ANGPTL3: variants seen among roughly 807,000 people sequenced by gnomAD.
ANGPTL3 encodes angiopoietin-related protein 3.
ANGPTL3 carries 51 observed loss-of-function variants against 52.7 expected under a neutral mutation model. That is an observed-to-expected ratio of 0.97 (90% CI 0.77 to 1.22). The LOEUF is 1.22. ANGPTL3 is among the 50% of genes most tolerant of loss of function. ANGPTL3 has a pLI of 0.00. For synonymous variants in ANGPTL3, 185 were observed against 179.8 expected (o/e 1.03, Z -0.23); for missense variants, 506 against 520.7 (o/e 0.97, Z 0.27).
chr1:62,604,797 G>C lies in ANGPTL3; in HGVS notation c.1363G>C (p.Asp455His), dbSNP rs1412317203. The C allele has an allele frequency of 1.2e-6, 2 of 1,612,834 alleles. No homozygotes were observed. Among genetic ancestry groups the C allele is most frequent in the Non-Finnish European group, 1.7e-6 (2 of 1,179,254 alleles). ...AACCAAAATGTTGATCCATCCAACAGATTCAGAAAGCTTTGAATGAACTGA... is the reference window on the plus strand; with the variant it reads ...AACCAAAATGTTGATCCATCCAACACATTCAGAAAGCTTTGAATGAACTGA... ...KSTKMLIHPT[D>H]SESFE The change falls in exon 7 of 7, where the codon GAT (aspartate) becomes CAT (histidine). Residue 455 changes from aspartate to histidine, a missense_variant. Coordinates refer to ENST00000371129, the MANE Select transcript of ANGPTL3 (RefSeq NM_014495.4).
In ANGPTL3 at chr1:62,602,343, G is replaced by A. The variant is rs781130657; in HGVS notation, c.894G>A (p.Thr298=). 1.6e-5 allele frequency: 25 copies of A among 1,610,734 alleles called. No individual in the cohort carries two copies. Among genetic ancestry groups the A allele is most frequent in the African/African-American group, 9.4e-5 (7 of 74,780 alleles). The change falls in exon 5 of 7, where the codon ACG becomes ACA. Residue 298 remains threonine, a synonymous_variant. Transcript: ENST00000371129. The part of the protein sequence containing the change: ...RIDGSQNFNE[T]WENYKYGFGR... ...ATGGATCACAAAACTTCAATGAAACGTGGGAGAACTACAAATATGGTTTTG... is the reference window on the plus strand; with the variant it reads ...ATGGATCACAAAACTTCAATGAAACATGGGAGAACTACAAATATGGTTTTG...
At position 62,597,575 on chromosome 1, in the gene ANGPTL3, A is replaced by T. The variant is rs1394023534; in HGVS notation, c.9A>T (p.Thr3=). The change falls in exon 1 of 7, where the codon ACA becomes ACT. Residue 3 remains threonine, a synonymous_variant. Coordinates refer to ENST00000371129, the MANE Select transcript of ANGPTL3 (RefSeq NM_014495.4). MF[T]IKLLLFIVPL... is the part of the protein sequence containing the mutation. ...TGAAAATCAAGATAAAAATGTTCAC[A>T]ATTAAGCTCCTTCTTTTTATTGTTC... 7 of 1,612,578 alleles carry T rather than the reference A, an allele frequency of 4.3e-6. No individual in the cohort carries two copies. The highest frequency in any genetic ancestry group is 5.9e-6 in the Non-Finnish European group (7 of 1,179,290).
chr1:62,601,676 C>T, intron 3 of ANGPTL3, 93 bp from the exon 4 acceptor site: 1 of 903,922 alleles, frequency 1.1e-6, no homozygotes, highest in Non-Finnish European at 1.8e-6. Context: ...GCTACATTTG[C>T]CACAACTTCA....
At chr1:62,602,676 T>C (rs1324791757) in intron 5 of ANGPTL3, among the ~76,000 whole-genome samples, 1 of 151,748 alleles carries the variant, frequency 6.6e-6, no homozygotes, top group African/African-American at 2.4e-5. Flanking sequence ...TTTGATTAAA[T>C]GTTATGTCAT....
At chr1:62,599,809 A>G (rs1649837779) in intron 2 of ANGPTL3, among the ~76,000 whole-genome samples, 3 of 152,028 alleles carry the variant, frequency 2.0e-5, no homozygotes, top group Admixed American at 2.0e-4. Flanking sequence ...TACAATGTAA[A>G]CATCTGGTGA....
chr1:62,604,837 G>C lies in ANGPTL3; in HGVS notation c.*20G>C. The C allele has an allele frequency of 6.2e-7, 1 of 1,606,208 alleles. No individual in the cohort carries two copies. ...GAATGAACTGAGGCAAATTTAAAAGGCAATAATTTAAACATTAACCTCATT... is the reference window on the plus strand; with the variant it reads ...GAATGAACTGAGGCAAATTTAAAAGCCAATAATTTAAACATTAACCTCATT... On this transcript the variant is annotated 3_prime_UTR_variant, in exon 7 of 7. Coordinates refer to ENST00000371129, the MANE Select transcript of ANGPTL3 (RefSeq NM_014495.4).
Position 62,598,718 on chromosome 1 carries a change from A to G in ANGPTL3, c.518A>G (p.Asn173Ser), listed in dbSNP as rs149624466. Residue 173 changes from asparagine to serine, a missense_variant, in exon 2 of 7, where the codon AAT becomes AGT. Physicochemically the swap from Asn to Ser is conservative, Grantham distance 46. Transcript: ENST00000371129. ...CAGACTTTTGTAGAAAAACAAGATA[A>G]TAGCATCAAAGACCTTCTCCAGACC... ...SLKTFVEKQD[N>S]SIKDLLQTVE... The G allele has an allele frequency of 6.2e-7, 1 of 1,609,862 alleles. No individual in the cohort carries two copies. Among genetic ancestry groups the G allele is most frequent in the African/African-American group, 1.3e-5 (1 of 74,782 alleles).
chr1:62,599,270 A>G (rs1649754528), intron 2 of ANGPTL3, among the ~76,000 whole-genome samples: 1 of 151,966 alleles, frequency 6.6e-6, no homozygotes, highest in Non-Finnish European at 1.5e-5. Context: ...TGACCGCTTT[A>G]CCAGTATTCA....
intron 2 of ANGPTL3, 56 bp from the exon 3 acceptor site, chr1:62,601,026 C>T: frequency 9.9e-7 from 1 of 1,008,198 alleles, no homozygotes; most frequent in Admixed American, 1.7e-5. Flanking sequence ...ACTCAGATTT[C>T]CCCTAATTGT....
Position 62,604,668 on chromosome 1 carries a change from A to C in ANGPTL3, c.1234A>C (p.Asn412His), listed in dbSNP as rs1354100717. ...GTGGCATGATGAGTGTGGAGAAAACAACCTAAATGGTAAATATAACAAACC... is the reference window on the plus strand; with the variant it reads ...GTGGCATGATGAGTGTGGAGAAAACCACCTAAATGGTAAATATAACAAACC... ...WWWHDECGEN[N>H]LNGKYNKPRA... Residue 412 changes from asparagine (N) to histidine (H), a missense_variant, in exon 7 of 7, where the codon AAC becomes CAC. Transcript: ENST00000371129. The C allele has an allele frequency of 3.7e-6, 6 of 1,613,182 alleles. No individual in the cohort carries two copies. The highest frequency in any genetic ancestry group is 5.1e-6 in the Non-Finnish European group (6 of 1,179,412).
rs144009864 is a variant in ANGPTL3 at position 62,603,038 on chromosome 1, T to C, written c.931+658T>C. 2.1e-3 allele frequency among the ~76,000 whole-genome samples: 318 copies of C among 151,912 alleles called. 1 individual carries two copies. The highest frequency in any genetic ancestry group is 3.2e-3 in the Non-Finnish European group (219 of 67,682). The stretch of plus-strand genomic sequence containing the variant: ...GACATTCATTATTATATCAAATTTT[T>C]AAATGCTCAGTACTATTTGACCATT... On this transcript the variant is annotated intron_variant, in intron 5 of 6. Coordinates refer to ENST00000371129, the MANE Select transcript of ANGPTL3 (RefSeq NM_014495.4).
rs1469360581 is a variant in ANGPTL3, at chr1:62,604,697, A to G, written c.1263A>G (p.Arg421=). The G allele has an allele frequency of 6.2e-7, 1 of 1,613,240 alleles. No homozygotes were observed. Among genetic ancestry groups the G allele is most frequent in the Non-Finnish European group, 8.5e-7 (1 of 1,179,490 alleles). The change falls in exon 7 of 7, where the codon AGA becomes AGG. Residue 421 remains arginine, a synonymous_variant. Transcript: ENST00000371129. ...NNLNGKYNKP[R]AKSKPERRRG... ...TAAATGGTAAATATAACAAACCAAG[A>G]GCAAAATCTAAGCCAGAGAGGAGAA...
At position 62,597,782 on chromosome 1, in the gene ANGPTL3, T is replaced by C. The variant is rs775299081; in HGVS notation, c.216T>C (p.Phe72=). The change falls in exon 1 of 7, where the codon TTT becomes TTC. Residue 72 remains phenylalanine (F), a synonymous_variant. Coordinates refer to ENST00000371129, the MANE Select transcript of ANGPTL3 (RefSeq NM_014495.4). ...CGAAGGGCCAAATTAATGACATATT[T>C]CAAAAACTCAACATATTTGATCAGT... ...HKTKGQINDI[F]QKLNIFDQSF... is the part of the protein sequence containing the mutation. 3.1e-6 allele frequency: 5 copies of C among 1,613,492 alleles called. No individual in the cohort carries two copies. In the Admixed American group the frequency reaches 8.3e-5, roughly 27 times the overall value.
Position 62,605,446 on chromosome 1 carries a change from T to C in ANGPTL3, c.*629T>C, listed in dbSNP as rs1209105978. 6.5e-6 allele frequency: 1 copy of C among 153,042 alleles called. No individual in the cohort carries two copies. The highest frequency in any genetic ancestry group is 1.5e-5 in the Non-Finnish European group (1 of 68,364). The allele number at this position is 153,042 out of a possible 1,614,324, so 9.5% of individuals were successfully genotyped here. On this transcript the variant is annotated 3_prime_UTR_variant, in exon 7 of 7. Coordinates refer to ENST00000371129, the MANE Select transcript of ANGPTL3 (RefSeq NM_014495.4). Reference sequence around the variant, plus strand: ...TGTATTAAAATAAGTTCGCTGTCTTTAAACAAATGGAGATGACTACTAAGT... The same window carrying C: ...TGTATTAAAATAAGTTCGCTGTCTTCAAACAAATGGAGATGACTACTAAGT...
chr1:62,598,626 T>C (rs1481000115), intron 1 of ANGPTL3, 70 bp from the exon 2 acceptor site: 17 of 818,000 alleles, frequency 2.1e-5, no homozygotes, highest in East Asian at 5.0e-5. Context: ...TAGATTATGA[T>C]AGTGTTACAG....
Position 62,602,271 on chromosome 1 carries a change from T to A in ANGPTL3, c.836-14T>A. ...AATCTACTAAAAATACATGATTTCATTCATTATATTCAGGTAGTCCATGGA... is the reference window on the plus strand; with the variant it reads ...AATCTACTAAAAATACATGATTTCAATCATTATATTCAGGTAGTCCATGGA... On this transcript the variant is annotated splice_polypyrimidine_tract_variant and intron_variant, in intron 4 of 6. Coordinates refer to ENST00000371129, the MANE Select transcript of ANGPTL3 (RefSeq NM_014495.4). 6.3e-7 allele frequency: 1 copy of A among 1,580,382 alleles called. No individual in the cohort carries two copies. The highest frequency in any genetic ancestry group is 1.7e-4 in the Middle Eastern group (1 of 5,950).
rs200785483 is a variant in ANGPTL3, at chr1:62,597,951, G to T, written c.385G>T (p.Glu129Ter). The T allele has an allele frequency of 2.6e-6, 4 of 1,552,622 alleles. No individual in the cohort carries two copies. Among genetic ancestry groups the T allele is most frequent in the Non-Finnish European group, 3.5e-6 (4 of 1,158,166 alleles). The change falls in exon 1 of 7, where the codon GAA becomes TAA. Residue 129 changes from glutamate (E) to a stop codon, truncating the protein, a stop_gained. Coordinates refer to ENST00000371129, the MANE Select transcript of ANGPTL3 (RefSeq NM_014495.4). LOFTEE classifies it high-confidence loss of function. ...ELNSKLESLL[E>*]EKILLQQKVK... Reference sequence around the variant, plus strand: ...CAACTCAAAACTTGAAAGCCTCCTAGAAGAAAAAATTCTACTTCAACAAAA... The same window carrying T: ...CAACTCAAAACTTGAAAGCCTCCTATAAGAAAAAATTCTACTTCAACAAAA...
At chr1:62,601,688 A>G in intron 3 of ANGPTL3, 81 bp from the exon 4 acceptor site, 1 of 1,034,042 alleles carries the variant, frequency 9.7e-7, no homozygotes, top group Non-Finnish European at 1.5e-6. Flanking sequence ...ACAACTTCAT[A>G]AAATGTCAAG....
intron 5 of ANGPTL3, 21 bp downstream of exon 5, chr1:62,602,401 C>T (rs1284698225): frequency 6.3e-7 from 1 of 1,588,328 alleles, no homozygotes; most frequent in African/African-American, 1.3e-5. Flanking sequence ...TACATTCAAT[C>T]ATTCATTCAC....
Sources: allele counts gnomAD v4.1 joint callset (sites outside exome capture counted in the v4.1 genomes callset), GRCh38; gene constraint gnomAD v4.1.1; transcripts MANE v1.5; gene names NCBI Gene and HGNC (gene_info 2026-07-23, HGNC 2026-07-21).